Variants in CACNA1A observed in about 807,000 individuals in gnomAD.
The protein encoded by CACNA1A is calcium voltage-gated channel subunit alpha1 A, also known as voltage-dependent P/Q-type calcium channel subunit alpha-1A.
CACNA1A carries 57 observed loss-of-function variants against 262.4 expected under a neutral mutation model. That is an observed-to-expected ratio of 0.22 (90% CI 0.18 to 0.27). The LOEUF (loss-of-function observed/expected upper bound fraction) is 0.27, where lower values mean the gene tolerates loss of function less well. Among genes scored for constraint, CACNA1A ranks in the 10% least tolerant of loss-of-function variants. The pLI is 1.00. For missense variants in CACNA1A, 2,526 were observed against 3,562.8 expected (o/e 0.71, Z 7.41); for synonymous variants, 1,431 against 1,419.3 (o/e 1.01, Z -0.18).
At position 13,376,801 on chromosome 19, in the gene CACNA1A, A is replaced by ATGT. The variant is rs2059420108; in HGVS notation, c.540-5023_540-5022insACA. ...CATAATATATGTGACATATATACAC[A>ATGT]TAATATATGTTATGTGTGATATATA... is the stretch of plus-strand genomic sequence containing the variant. On this transcript the variant is annotated intron_variant, in intron 3 of 46. Transcript: ENST00000360228. 3.6e-5 allele frequency among the ~76,000 whole-genome samples: 5 copies of ATGT among 140,088 alleles called. 1 individual carries two copies. The highest frequency in any genetic ancestry group is 1.4e-4 in the African/African-American group (5 of 35,908). The allele number at this position is 140,088 out of a possible 152,430, so 91.9% of individuals were successfully genotyped here.
At chr19:13,497,012 T>C (rs886863126) in intron 1 of CACNA1A, among the ~76,000 whole-genome samples, 1 of 152,120 alleles carries the variant, frequency 6.6e-6, no homozygotes, top group Admixed American at 6.6e-5. Context: ...CAGTGACTAG[T>C]AGAGCTGGGA....
intron 1 of CACNA1A, among the ~76,000 whole-genome samples, chr19:13,474,125 G>A (rs768211556): frequency 6.6e-6 from 1 of 152,208 alleles, no homozygotes; most frequent in Non-Finnish European, 1.5e-5. Flanking sequence ...AGAGGCTGCT[G>A]GCAGCAGTCC....
chr19:13,359,860 T>G (rs1286623923), intron 5 of CACNA1A, 61 bp from the exon 6 acceptor site: 1 of 1,150,156 alleles, frequency 8.7e-7, no homozygotes, highest in African/African-American at 1.6e-5. Flanking sequence ...CTCTGAGAAA[T>G]AGGGACCAGT....
rs201991581 is a variant in CACNA1A at position 13,365,447 on chromosome 19, C to T, written c.654G>A (p.Ser218=). The stretch of plus-strand genomic sequence containing the variant: ...GCAAAGGGATCATCGCCTTCATGAT[C>T]GACTTCAGGACGACTTGTAAACCTG... ...GIPSLQVVLK[S]IMKAMIPLLQ... The change falls in exon 5 of 47, where the codon TCG becomes TCA. Residue 218 remains serine, a synonymous_variant. Transcript: ENST00000360228. 6.8e-6 allele frequency: 11 copies of T among 1,613,736 alleles called. No individual in the cohort carries two copies. Among genetic ancestry groups the T allele is most frequent in the Non-Finnish European group, 8.5e-6 (10 of 1,179,776 alleles).
Position 13,252,921 on chromosome 19 carries a change from C to T in CACNA1A, c.4866+70G>A, listed in dbSNP as rs1187383614. On this transcript the variant is annotated intron_variant, in intron 30 of 46. Transcript: ENST00000360228. ...TCTTGGGGCCACGTTGGGAGACCATCATCCAGGACCCATTGTTCCCCCTTG... is the reference window on the plus strand; with the variant it reads ...TCTTGGGGCCACGTTGGGAGACCATTATCCAGGACCCATTGTTCCCCCTTG... 3 of 1,018,902 alleles carry T rather than the reference C, an allele frequency of 2.9e-6. No homozygotes were observed. In the African/African-American group the frequency reaches 4.8e-5, roughly 16 times the overall value. 63.1% of individuals were successfully genotyped at this position (1,018,902 alleles called of 1,614,324 possible). A position where few individuals can be genotyped will look rare whatever the true frequency, so the allele number is the denominator to read the frequency against.
intron 3 of CACNA1A, among the ~76,000 whole-genome samples, chr19:13,405,833 G>A (rs1417160002): frequency 6.6e-6 from 1 of 152,178 alleles, no homozygotes; most frequent in Non-Finnish European, 1.5e-5. Flanking sequence ...GTTGGCTACT[G>A]TTGACGCCAT....
chr19:13,435,159 G>A (rs1568641615), intron 3 of CACNA1A, among the ~76,000 whole-genome samples: 1 of 151,656 alleles, frequency 6.6e-6, no homozygotes, highest in African/African-American at 2.4e-5. Flanking sequence ...TGTCTCCCAG[G>A]CTGGAGTGCA....
At chr19:13,248,788 A>G (rs2056320647) in intron 30 of CACNA1A, among the ~76,000 whole-genome samples, 1 of 151,772 alleles carries the variant, frequency 6.6e-6, no homozygotes, top group Non-Finnish European at 1.5e-5. Flanking sequence ...GGTTGCAGTG[A>G]GCCAAGATTG....
At chr19:13,222,435 A>C (rs1600109603) in intron 38 of CACNA1A, among the ~76,000 whole-genome samples, 2 of 120,666 alleles carry the variant, frequency 1.7e-5, no homozygotes, top group African/African-American at 3.3e-5. Flanking sequence ...TCACTCTGTC[A>C]CCCAGGCTGG....
rs1468593991 is a variant in CACNA1A at position 13,227,532 on chromosome 19, C to G, written c.5529-5G>C. The G allele has an allele frequency of 1.3e-6, 2 of 1,532,330 alleles. No individual in the cohort carries two copies. The highest frequency in any genetic ancestry group is 1.8e-6 in the Non-Finnish European group (2 of 1,131,634). The allele number at this position is 1,532,330 out of a possible 1,614,324, so 94.9% of individuals were successfully genotyped here. A position where few individuals can be genotyped will look rare whatever the true frequency, so the allele number is the denominator to read the frequency against. On this transcript the variant is annotated splice_region_variant and splice_polypyrimidine_tract_variant and intron_variant, in intron 36 of 46. Coordinates refer to ENST00000360228, the MANE Select transcript of CACNA1A (RefSeq NM_001127222.2). Reference sequence around the variant, plus strand: ...TCCAGGTAAGGCATGCGGCCCCTGGCAGCACCGAAAATGAAAAAAACAAAA... The same window carrying G: ...TCCAGGTAAGGCATGCGGCCCCTGGGAGCACCGAAAATGAAAAAAACAAAA...
rs61638924 is a variant in CACNA1A, at chr19:13,397,995, C to T, written c.540-26216G>A. ...TTTTTTTTTTGGCCAGGCACGGTGG[C>T]TCACGGCTGTAATCCCAGCACTTTG... On this transcript the variant is annotated intron_variant, in intron 3 of 46. Transcript: ENST00000360228. Among the ~76,000 whole-genome samples the T allele has an allele frequency of 3.2e-3, 482 of 152,040 alleles. 4 individuals carry two copies. Among genetic ancestry groups the T allele is most frequent in the African/African-American group, 0.011 (449 of 41,432 alleles).
At chr19:13,375,941 A>G (rs1230172906) in intron 3 of CACNA1A, among the ~76,000 whole-genome samples, 1 of 152,180 alleles carries the variant, frequency 6.6e-6, no homozygotes, top group Non-Finnish European at 1.5e-5. Flanking sequence ...TGACATGGAG[A>G]AAGTTTTAGT....
At chr19:13,415,978 T>C (rs902123014) in intron 3 of CACNA1A, among the ~76,000 whole-genome samples, 17 of 152,224 alleles carry the variant, frequency 1.1e-4, no homozygotes, top group Non-Finnish European at 1.5e-5. Flanking sequence ...TCCTCTCTGA[T>C]GAAGCTTCCT....
intron 10 of CACNA1A, among the ~76,000 whole-genome samples, chr19:13,320,848 A>G (rs1397765452): frequency 6.6e-6 from 1 of 151,860 alleles, no homozygotes; most frequent in African/African-American, 2.4e-5. Flanking sequence ...CCAAAATATT[A>G]CCATTTCAAC....
At chr19:13,209,073 C>A in intron 45 of CACNA1A, 64 bp from the exon 46 acceptor site, 1 of 1,532,640 alleles carries the variant, frequency 6.5e-7, no homozygotes, top group East Asian at 2.4e-5. Flanking sequence ...GGCAGATGCA[C>A]ACACAGGAGG....
chr19:13,388,716 C>A (rs2059662190), intron 3 of CACNA1A, among the ~76,000 whole-genome samples: 1 of 152,078 alleles, frequency 6.6e-6, no homozygotes, highest in Non-Finnish European at 1.5e-5. Context: ...TCTCTCTATA[C>A]CCTACTTTCA....
At chr19:13,340,143 G>C (rs1314759824) in intron 6 of CACNA1A, among the ~76,000 whole-genome samples, 1 of 124,776 alleles carries the variant, frequency 8.0e-6, no homozygotes, top group Non-Finnish European at 1.6e-5. Flanking sequence ...GTGGAGGATG[G>C]GGGAGAGGGA....
At chr19:13,361,876 C>T (rs2059117028) in intron 5 of CACNA1A, among the ~76,000 whole-genome samples, 2 of 152,182 alleles carry the variant, frequency 1.3e-5, no homozygotes, top group African/African-American at 2.4e-5. Context: ...TTTAGCATGG[C>T]ACCTGTGCCT....
At chr19:13,501,666 A>G (rs1443661498) in intron 1 of CACNA1A, among the ~76,000 whole-genome samples, 1 of 152,148 alleles carries the variant, frequency 6.6e-6, no homozygotes, top group Non-Finnish European at 1.5e-5. Context: ...CAACTTCCAT[A>G]CACCTGAAAG....
Sources: gnomAD v4.1 joint callset for allele counts (sites outside exome capture counted in the v4.1 genomes callset) on GRCh38, gnomAD v4.1.1 for gene constraint, MANE v1.5 for transcripts, NCBI Gene and HGNC (gene_info 2026-07-23, HGNC 2026-07-21) for gene names.